The following CHODL variants were observed in gnomAD, a reference collection of about 807,000 sequenced individuals.
The protein encoded by CHODL is transmembrane protein MT75.
In CHODL, 29 loss-of-function variants were observed where a neutral mutation model predicts 34.5. The ratio of observed to expected loss-of-function variants is 0.84; its 90% CI spans 0.63 to 1.15. CHODL has a LOEUF of 1.15. CHODL is among the 50% of genes most tolerant of loss of function. The pLI is 0.00. For synonymous variants in CHODL, 125 were observed against 116.1 expected, an observed-to-expected ratio of 1.08 and a Z score of -0.49; for missense variants, 332 against 332.5, an observed-to-expected ratio of 1.00 and a Z score of 0.01.
chr21:17,934,843 G>A lies in CHODL; in HGVS notation c.-145+17443G>A, dbSNP rs180716094. Among the ~76,000 whole-genome samples the A allele has an allele frequency of 2.0e-5, 3 of 152,210 alleles. No individual in the cohort carries two copies. In the East Asian group the frequency reaches 5.8e-4, roughly 29 times the overall value. On this transcript the variant is annotated intron_variant, in intron 1 of 6. Transcript: ENST00000400127. ...TTAAAATTTGTATGTTCAAAATAAT[G>A]TTGTGATATGAATACTGCAGGTGTT...
intron 2 of CHODL, among the ~76,000 whole-genome samples, chr21:18,171,198 G>GTTTTTTTTTTTTTTTTTTTTTTTTTT (rs1177005708): frequency 2.7e-5 from 1 of 37,082 alleles, no homozygotes; most frequent in African/African-American, 1.4e-4. Flanking sequence ...GTTTTCTTTA[G>GTTTTTTTTTTTTTTTTTTTTTTTTTT]TTTTTTTTTT....
At chr21:17,950,919 T>G (rs1391199170) in intron 1 of CHODL, among the ~76,000 whole-genome samples, 1 of 152,194 alleles carries the variant, frequency 6.6e-6, no homozygotes, top group Non-Finnish European at 1.5e-5. Flanking sequence ...CTGTCTTGCT[T>G]CTTATGGTCT....
At chr21:17,973,148 G>T (rs2063630265) in intron 1 of CHODL, among the ~76,000 whole-genome samples, 2 of 152,110 alleles carry the variant, frequency 1.3e-5, no homozygotes, top group South Asian at 4.2e-4. Flanking sequence ...AACTCAAGAT[G>T]GTTAAAGACT....
intron 2 of CHODL, among the ~76,000 whole-genome samples, chr21:18,033,946 T>C (rs1010507540): frequency 6.6e-6 from 1 of 151,990 alleles, no homozygotes; most frequent in Non-Finnish European, 1.5e-5. Context: ...GAAAAAACCT[T>C]ATAACATCTT....
intron 2 of CHODL, among the ~76,000 whole-genome samples, chr21:18,180,498 T>A (rs376327426): frequency 2.6e-5 from 4 of 152,328 alleles, no homozygotes; most frequent in South Asian, 4.1e-4. Flanking sequence ...GCATGTTTCC[T>A]GTTACAGAAA....
intron 1 of CHODL, among the ~76,000 whole-genome samples, chr21:17,963,105 A>C (rs1351710054): frequency 6.6e-6 from 1 of 151,856 alleles, no homozygotes; most frequent in Non-Finnish European, 1.5e-5. Flanking sequence ...AACTTCCTTC[A>C]TGGAAAGATA....
chr21:17,974,373 A>G (rs1474493635), intron 1 of CHODL, among the ~76,000 whole-genome samples: 1 of 152,040 alleles, frequency 6.6e-6, no homozygotes, highest in Non-Finnish European at 1.5e-5. Context: ...CCTGGGTTCA[A>G]ACAATTCTCC....
intron 2 of CHODL, among the ~76,000 whole-genome samples, chr21:18,163,690 C>T (rs199778832): frequency 9.9e-5 from 15 of 152,088 alleles, no homozygotes; most frequent in African/African-American, 2.7e-4. Flanking sequence ...TAAGTTTTCA[C>T]GTTTTTGCTT....
chr21:17,936,919 C>T (rs1363571305), intron 1 of CHODL, among the ~76,000 whole-genome samples: 1 of 151,712 alleles, frequency 6.6e-6, no homozygotes, highest in Admixed American at 6.6e-5. Flanking sequence ...ACTAAAAATA[C>T]AAAAATTAGC....
At chr21:18,217,647 A>G (rs895805922) in intron 2 of CHODL, among the ~76,000 whole-genome samples, 29 of 152,094 alleles carry the variant, frequency 1.9e-4, no homozygotes, top group Admixed American at 1.3e-4. Context: ...TTCAAAACCA[A>G]TTATGCCTTC....
chr21:18,127,576 T>C (rs1289138884), intron 2 of CHODL, among the ~76,000 whole-genome samples: 2 of 145,082 alleles, frequency 1.4e-5, no homozygotes, highest in African/African-American at 5.1e-5. Flanking sequence ...GTAAAACACA[T>C]AAAACATGTC....
intron 1 of CHODL, among the ~76,000 whole-genome samples, chr21:17,918,981 T>G (rs942862745): frequency 6.6e-6 from 1 of 152,208 alleles, no homozygotes; most frequent in Non-Finnish European, 1.5e-5. Flanking sequence ...AATGATCTCC[T>G]TTAACTCCAT....
chr21:18,223,557 C>T (rs897934393), intron 2 of CHODL, among the ~76,000 whole-genome samples: 3 of 152,128 alleles, frequency 2.0e-5, no homozygotes, highest in Non-Finnish European at 2.9e-5. Flanking sequence ...TAGGCAGATA[C>T]GATTTACTAA....
At chr21:18,049,893 G>A (rs1173741975) in intron 2 of CHODL, among the ~76,000 whole-genome samples, 3 of 151,970 alleles carry the variant, frequency 2.0e-5, no homozygotes, top group Non-Finnish European at 4.4e-5. Context: ...TAACACCAAT[G>A]TAATTTGTCC....
At chr21:18,060,671 A>T (rs2064650933) in intron 2 of CHODL, among the ~76,000 whole-genome samples, 1 of 147,622 alleles carries the variant, frequency 6.8e-6, no homozygotes, top group South Asian at 2.1e-4. Context: ...GTACCTCTGA[A>T]GCTCAGGCCA....
intron 2 of CHODL, among the ~76,000 whole-genome samples, chr21:18,089,299 T>C (rs1275527482): frequency 6.6e-6 from 1 of 152,134 alleles, no homozygotes; most frequent in Non-Finnish European, 1.5e-5. Flanking sequence ...TTCTCGTTAT[T>C]TTTGAATATA....
intron 3 of CHODL, among the ~76,000 whole-genome samples, chr21:18,258,613 ATTCT>A (rs1479005047): frequency 4.6e-5 from 7 of 152,174 alleles, no homozygotes; most frequent in Middle Eastern, 6.8e-3. Context: ...ATATAAAATT[ATTCT>A]TTCTTTATCT....
At chr21:18,196,530 G>A (rs1048879512) in intron 2 of CHODL, among the ~76,000 whole-genome samples, 7 of 152,066 alleles carry the variant, frequency 4.6e-5, no homozygotes, top group South Asian at 4.1e-4. Flanking sequence ...ATTATTTTGC[G>A]GGGAGGCGGA....
At chr21:18,015,236 G>A (rs766067262) in intron 1 of CHODL, among the ~76,000 whole-genome samples, 1 of 152,138 alleles carries the variant, frequency 6.6e-6, no homozygotes, top group South Asian at 2.1e-4. Flanking sequence ...CCCCCTTGCT[G>A]TTCCCATGAT....
Sources: gnomAD v4.1 joint callset for allele counts (sites outside exome capture counted in the v4.1 genomes callset) on GRCh38, gnomAD v4.1.1 for gene constraint, MANE v1.5 for transcripts, NCBI Gene and HGNC (gene_info 2026-07-23, HGNC 2026-07-21) for gene names.